The following NPAS1 variants were observed in gnomAD, a reference collection of about 807,000 sequenced individuals.
The protein encoded by NPAS1 is neuronal PAS domain-containing protein 1.
Under a neutral mutation model 49.2 loss-of-function variants are expected in NPAS1, and 29 were observed. The ratio of observed to expected loss-of-function variants is 0.59; its 90% CI spans 0.44 to 0.80. The LOEUF (loss-of-function observed/expected upper bound fraction) is 0.80. Among genes scored for constraint, NPAS1 ranks in the 30% least tolerant of loss-of-function variants. NPAS1 has a pLI of 0.00. For synonymous variants in NPAS1, 408 were observed against 380.4 expected (o/e 1.07, Z -0.84); for missense variants, 825 against 835.5 (o/e 0.99, Z 0.15).
At position 47,045,256 on chromosome 19, in the gene NPAS1, G is replaced by A; in HGVS notation, c.1378G>A (p.Gly460Ser). 6.2e-7 allele frequency: 1 copy of A among 1,614,012 alleles called. No individual in the cohort carries two copies. The highest frequency in any genetic ancestry group is 8.5e-7 in the Non-Finnish European group (1 of 1,179,992). ...GGAGAACGAGGCCCCCCAGACCCAG[G>A]GCAAACGCATCAAAGTGGAGCCCGG... ...PAENEAPQTQ[G>S]KRIKVEPGPR... The change falls in exon 12 of 12, where the codon GGC (glycine) becomes AGC (serine). Residue 460 changes from glycine (G) to serine (S), a missense_variant. Coordinates refer to ENST00000602212, the MANE Select transcript of NPAS1 (RefSeq NM_002517.4).
At chr19:47,032,932 TTTTG>T (rs970782368) in intron 5 of NPAS1, among the ~76,000 whole-genome samples, 200 bp downstream of exon 5, 29 of 152,216 alleles carry the variant, frequency 1.9e-4, no homozygotes, top group East Asian at 1.4e-3. Flanking sequence ...GGCTATTGTT[TTTTG>T]TTTGTTTGTT....
At chr19:47,031,692 G>A (rs1298965106) in intron 3 of NPAS1, among the ~76,000 whole-genome samples, 1 of 151,006 alleles carries the variant, frequency 6.6e-6, no homozygotes, top group African/African-American at 2.4e-5. Context: ...CTCCACACCC[G>A]GCTAATTTTT....
rs1428721681 is a variant in NPAS1, at chr19:47,040,441, C to T, written c.963-3C>T. On this transcript the variant is annotated splice_polypyrimidine_tract_variant and splice_region_variant and intron_variant, in intron 8 of 11. Coordinates refer to ENST00000602212, the MANE Select transcript of NPAS1 (RefSeq NM_002517.4). ...TCCTCCCCTCTTCTCTGTCACCCCCCAGAGTCAGCGACCACATGGACCTGG... is the reference window on the plus strand; with the variant it reads ...TCCTCCCCTCTTCTCTGTCACCCCCTAGAGTCAGCGACCACATGGACCTGG... The T allele has an allele frequency of 1.3e-6, 2 of 1,583,460 alleles. No homozygotes were observed. The highest frequency in any genetic ancestry group is 1.8e-5 in the Admixed American group (1 of 55,260).
In NPAS1 at chr19:47,038,945, G is replaced by T. The variant is rs186746636; in HGVS notation, c.689-91G>T. 1,749 of 1,083,780 alleles carry T rather than the reference G, an allele frequency of 1.6e-3. 3 individuals are homozygous for T. The highest frequency in any genetic ancestry group is 2.3e-3 in the Non-Finnish European group (1,606 of 707,584). The allele number at this position is 1,083,780 out of a possible 1,614,324, so 67.1% of individuals were successfully genotyped here. A position where few individuals can be genotyped will look rare whatever the true frequency, so the allele number is the denominator to read the frequency against. On this transcript the variant is annotated intron_variant, in intron 6 of 11. Coordinates refer to ENST00000602212, the MANE Select transcript of NPAS1 (RefSeq NM_002517.4). ...GCGGCCGTGGCCCAGCGGACATCTT[G>T]TGTCTATGTCCGGCTGGCTCTGCAA...
rs747156153 is a variant in NPAS1, at chr19:47,040,399, A to G, written c.963-45A>G. 26 of 1,372,896 alleles carry G rather than the reference A, an allele frequency of 1.9e-5. No individual in the cohort carries two copies. In the African/African-American group the frequency reaches 2.7e-4, roughly 14 times the overall value. The allele number at this position is 1,372,896 out of a possible 1,614,324, so 85.0% of individuals were successfully genotyped here. The stretch of plus-strand genomic sequence containing the variant: ...TGGAGCCAACTCTGCCTCTCCCCCA[A>G]CCCCGTGGTCTTGGACTCCTCCCCT... On this transcript the variant is annotated intron_variant, in intron 8 of 11. Coordinates refer to ENST00000602212, the MANE Select transcript of NPAS1 (RefSeq NM_002517.4).
At chr19:47,039,847 C>A (rs1397691288) in intron 8 of NPAS1, among the ~76,000 whole-genome samples, 1 of 152,048 alleles carries the variant, frequency 6.6e-6, no homozygotes, top group Non-Finnish European at 1.5e-5. Context: ...TCTGGTCTTT[C>A]ATTTCTCATT....
chr19:47,045,723 C>A lies in NPAS1; in HGVS notation c.*72C>A. On this transcript the variant is annotated 3_prime_UTR_variant, in exon 12 of 12. Coordinates refer to ENST00000602212, the MANE Select transcript of NPAS1 (RefSeq NM_002517.4). ...CCCAGGACAGTAGGCCCGGCTCTGCCCGTAGCCCTGAGAATTAAACGCCGG... is the reference window on the plus strand; with the variant it reads ...CCCAGGACAGTAGGCCCGGCTCTGCACGTAGCCCTGAGAATTAAACGCCGG... The A allele has an allele frequency of 7.9e-7, 1 of 1,267,558 alleles. No homozygotes were observed. Among genetic ancestry groups the A allele is most frequent in the African/African-American group, 1.6e-5 (1 of 63,216 alleles). 78.5% of individuals were successfully genotyped at this position (1,267,558 alleles called of 1,614,324 possible).
chr19:47,040,737 GT>G (rs2057010428), intron 9 of NPAS1, 187 bp downstream of exon 9: 31 of 592,662 alleles, frequency 5.2e-5, no homozygotes, highest in South Asian at 2.7e-4. Context: ...GGATGTGTGT[GT>G]GGGGGGGGGG....
chr19:47,038,236 G>T, intron 6 of NPAS1, among the ~76,000 whole-genome samples: 1 of 152,142 alleles, frequency 6.6e-6, no homozygotes, highest in Admixed American at 6.6e-5. Flanking sequence ...GACGTAGATG[G>T]GGCCAGGCGC....
chr19:47,042,202 G>A (rs1230853820), intron 10 of NPAS1, among the ~76,000 whole-genome samples: 1 of 151,648 alleles, frequency 6.6e-6, no homozygotes, highest in Non-Finnish European at 1.5e-5. Context: ...CCAGCTACTC[G>A]GGAGGCTGAA....
Position 47,021,598 on chromosome 19 carries a change from C to T in NPAS1, c.123-14C>T. 1 of 1,462,078 alleles carries T rather than the reference C, an allele frequency of 6.8e-7. No individual in the cohort carries two copies. The highest frequency in any genetic ancestry group is 9.0e-7 in the Non-Finnish European group (1 of 1,107,306). 90.6% of individuals were successfully genotyped at this position (1,462,078 alleles called of 1,614,324 possible). ...CGGGGCCCCGCCGACACCTCCTCCGCGCCGCCCGCCCAGCCTGCAGGCGCA... is the reference window on the plus strand; with the variant it reads ...CGGGGCCCCGCCGACACCTCCTCCGTGCCGCCCGCCCAGCCTGCAGGCGCA... On this transcript the variant is annotated splice_polypyrimidine_tract_variant and intron_variant, in intron 2 of 11. Coordinates refer to ENST00000602212, the MANE Select transcript of NPAS1 (RefSeq NM_002517.4). The surrounding 1 kb of genome is among the most constrained non-coding windows in gnomAD (Gnocchi z 5.7).
chr19:47,045,045 AC>A lies in NPAS1; in HGVS notation c.1313-145del, dbSNP rs1568512631. 442 of 844,542 alleles carry A rather than the reference AC, an allele frequency of 5.2e-4. 3 individuals carry two copies. In the African/African-American group the frequency reaches 7.6e-3, roughly 14 times the overall value. 52.3% of individuals were successfully genotyped at this position (844,542 alleles called of 1,614,324 possible). A position where few individuals can be genotyped will look rare whatever the true frequency, so the allele number is the denominator to read the frequency against. On this transcript the variant is annotated intron_variant, in intron 11 of 11. Transcript: ENST00000602212. ...ACTCCGTCTCACAAAAAAACAAAAA[AC>A]AAAAACAAAACAAACAAACAAAAAA... is the stretch of plus-strand genomic sequence containing the variant.
chr19:47,034,134 GTC>G (rs1359570475), intron 5 of NPAS1, among the ~76,000 whole-genome samples: 42 of 150,930 alleles, frequency 2.8e-4, no homozygotes, highest in Middle Eastern at 7.1e-3. Context: ...GAGAAACCCC[GTC>G]TCTCTACTAA....
chr19:47,022,559 T>G (rs1225986531), intron 3 of NPAS1, among the ~76,000 whole-genome samples: 1 of 152,124 alleles, frequency 6.6e-6, no homozygotes, highest in Non-Finnish European at 1.5e-5. Context: ...GCCAATGCTG[T>G]TATCAGCAGT....
Position 47,045,301 on chromosome 19 carries a change from T to C in NPAS1, c.1423T>C (p.Ser475Pro). The part of the protein sequence containing the change: ...VEPGPRETKG[S>P]EDSGDEDPSS... ...GCCCGGCCCGAGGGAAACCAAAGGC[T>C]CCGAGGACAGTGGCGACGAGGATCC... Residue 475 changes from serine to proline, a missense_variant, in exon 12 of 12, where the codon TCC (serine) becomes CCC (proline). By Grantham distance (74) the Ser-to-Pro change is moderately conservative. Transcript: ENST00000602212. The C allele has an allele frequency of 6.2e-7, 1 of 1,613,762 alleles. No individual in the cohort carries two copies.
In NPAS1 at chr19:47,021,023, G is replaced by A. The variant is rs1250189450; in HGVS notation, c.-25G>A. 6.3e-7 allele frequency: 1 copy of A among 1,583,866 alleles called. No homozygotes were observed. Among genetic ancestry groups the A allele is most frequent in the East Asian group, 2.3e-5 (1 of 43,372 alleles). ...CGCTGCAGGAGACTCGGGGCTCGGA[G>A]CCCGCCTGAGCGAGCCCCCCGGAGA... On this transcript the variant is annotated 5_prime_UTR_variant, in exon 2 of 12. Coordinates refer to ENST00000602212, the MANE Select transcript of NPAS1 (RefSeq NM_002517.4). The surrounding 1 kb of genome is among the most constrained non-coding windows in gnomAD (Gnocchi z 5.7).
At chr19:47,033,214 T>G (rs1318062317) in intron 5 of NPAS1, among the ~76,000 whole-genome samples, 1 of 147,898 alleles carries the variant, frequency 6.8e-6, no homozygotes, top group Non-Finnish European at 1.5e-5. Flanking sequence ...AGGATTACAG[T>G]GTGAGCCACT....
chr19:47,032,142 C>T lies in NPAS1; in HGVS notation c.359-136C>T. ...TGTGTCCCACGCCCCAGGTCTCTCC[C>T]CCATGGGTGCCCAGATACCCCAAGA... On this transcript the variant is annotated intron_variant, in intron 3 of 11. Transcript: ENST00000602212. The T allele has an allele frequency of 4.1e-6, 3 of 723,898 alleles. No individual in the cohort carries two copies. The South Asian group carries it at 5.4e-5, about 13-fold the overall frequency. The allele number at this position is 723,898 out of a possible 1,614,324, so 44.8% of individuals were successfully genotyped here. A position where few individuals can be genotyped will look rare whatever the true frequency, so the allele number is the denominator to read the frequency against.
chr19:47,023,278 G>A (rs188367550), intron 3 of NPAS1, among the ~76,000 whole-genome samples: 6 of 152,118 alleles, frequency 3.9e-5, no homozygotes, highest in Admixed American at 2.0e-4. Context: ...GGGGGGAAAG[G>A]GGGGGCTAAG....
Sources: allele counts gnomAD v4.1 joint callset (sites outside exome capture counted in the v4.1 genomes callset), GRCh38; gene constraint gnomAD v4.1.1; non-coding constraint Gnocchi (gnomAD v3.1); transcripts MANE v1.5; gene names NCBI Gene and HGNC (gene_info 2026-07-23, HGNC 2026-07-21).